The following KLHL7 variants were observed in gnomAD, a reference collection of about 807,000 sequenced individuals.
KLHL7 encodes the protein kelch like family member 7.
Under a neutral mutation model 67.4 loss-of-function variants are expected in KLHL7, and 44 were observed. That is an observed-to-expected ratio of 0.65 (90% CI 0.51 to 0.84). The LOEUF (loss-of-function observed/expected upper bound fraction) is 0.84. KLHL7 is among the 40% of genes least tolerant of loss of function. KLHL7 has a pLI of 0.00. For missense variants in KLHL7, 362 were observed against 718.1 expected, an observed-to-expected ratio of 0.50 and a Z score of 5.67; for synonymous variants, 252 against 243.3, an observed-to-expected ratio of 1.04 and a Z score of -0.33.
Position 23,174,396 on chromosome 7 carries a change from G to A in KLHL7, c.*98G>A, listed in dbSNP as rs183472096. 2.8e-4 allele frequency: 353 copies of A among 1,281,440 alleles called. 5 individuals are homozygous for A. In the African/African-American group the frequency reaches 4.7e-3, roughly 17 times the overall value. The allele number at this position is 1,281,440 out of a possible 1,614,324, so 79.4% of individuals were successfully genotyped here. A position where few individuals can be genotyped will look rare whatever the true frequency, so the allele number is the denominator to read the frequency against. ...GACAAAGTTTTGGTTTGGTGTTTTGGTAAAGAAAGTTTCAAGTGAAATGAG... is the reference window on the plus strand; with the variant it reads ...GACAAAGTTTTGGTTTGGTGTTTTGATAAAGAAAGTTTCAAGTGAAATGAG... On this transcript the variant is annotated 3_prime_UTR_variant, in exon 11 of 11. Coordinates refer to ENST00000339077, the MANE Select transcript of KLHL7 (RefSeq NM_001031710.3).
intron 7 of KLHL7, among the ~76,000 whole-genome samples, chr7:23,155,094 C>G (rs568781109): frequency 6.6e-6 from 1 of 152,282 alleles, no homozygotes; most frequent in South Asian, 2.1e-4. Flanking sequence ...CCGCTCTTGG[C>G]TCAGACATCA....
At chr7:23,141,912 C>T (rs951623119) in intron 5 of KLHL7, among the ~76,000 whole-genome samples, 3 of 149,632 alleles carry the variant, frequency 2.0e-5, no homozygotes, top group African/African-American at 7.4e-5. Context: ...CGTGAGCCAC[C>T]GCACCCGGCC....
At chr7:23,120,094 T>C (rs756745333) in intron 1 of KLHL7, among the ~76,000 whole-genome samples, 3 of 151,834 alleles carry the variant, frequency 2.0e-5, no homozygotes. Context: ...ACTGCAACCT[T>C]TTGCCCCCGG....
At chr7:23,160,351 A>G (rs1784823912) in intron 7 of KLHL7, among the ~76,000 whole-genome samples, 1 of 152,240 alleles carries the variant, frequency 6.6e-6, no homozygotes, top group Non-Finnish European at 1.5e-5. Context: ...ATGCTTACTC[A>G]ACTTCAGACT....
At chr7:23,146,828 A>G (rs969307169) in intron 6 of KLHL7, among the ~76,000 whole-genome samples, 1 of 152,076 alleles carries the variant, frequency 6.6e-6, no homozygotes, top group East Asian at 1.9e-4. Flanking sequence ...CCATATATCT[A>G]TATGTACACA....
chr7:23,163,155 A>G (rs1007625298), intron 7 of KLHL7, among the ~76,000 whole-genome samples: 1 of 151,886 alleles, frequency 6.6e-6, no homozygotes, highest in African/African-American at 2.4e-5. Flanking sequence ...ATCACTCCCA[A>G]GAAGCTTTTA....
intron 1 of KLHL7, among the ~76,000 whole-genome samples, chr7:23,110,873 T>G (rs1782841660): frequency 1.3e-5 from 2 of 149,714 alleles, no homozygotes; most frequent in East Asian, 4.0e-4. Flanking sequence ...GTTCACTACA[T>G]TTTCTTACTT....
chr7:23,117,936 C>A, intron 1 of KLHL7: 2 of 1,614,082 alleles, frequency 1.2e-6, no homozygotes, highest in Non-Finnish European at 1.7e-6. Flanking sequence ...GATTGCAGAA[C>A]CTTCTTGACA....
At chr7:23,158,645 G>T (rs1326199558) in intron 7 of KLHL7, among the ~76,000 whole-genome samples, 1 of 152,146 alleles carries the variant, frequency 6.6e-6, no homozygotes, top group African/African-American at 2.4e-5. Flanking sequence ...ATATATTCAT[G>T]GTTCATATAG....
At chr7:23,164,731 A>T (rs1784949317) in intron 7 of KLHL7, among the ~76,000 whole-genome samples, 1 of 152,182 alleles carries the variant, frequency 6.6e-6, no homozygotes, top group South Asian at 2.1e-4. Context: ...ACCATTCCTG[A>T]TGTTCTGTGA....
At position 23,170,886 on chromosome 7, in the gene KLHL7, G is replaced by A. The variant is rs74974227; in HGVS notation, c.1380-2062G>A. Among the ~76,000 whole-genome samples the A allele has an allele frequency of 2.1e-3, 315 of 150,972 alleles. 2 individuals are homozygous for A. Among genetic ancestry groups the A allele is most frequent in the African/African-American group, 6.1e-3 (249 of 41,024 alleles). On this transcript the variant is annotated intron_variant, in intron 9 of 10. Coordinates refer to ENST00000339077, the MANE Select transcript of KLHL7 (RefSeq NM_001031710.3). ...GGAAACAATGTGACACAGTTTGAGC[G>A]GTCAGAATTTTAAGAAATGACTTTT...
chr7:23,151,260 G>T (rs563118138), intron 6 of KLHL7, among the ~76,000 whole-genome samples: 1 of 151,560 alleles, frequency 6.6e-6, no homozygotes, highest in East Asian at 1.9e-4. Context: ...TATGAGGTAG[G>T]GGTATAATTT....
chr7:23,128,137 A>AG (rs113384622), intron 4 of KLHL7, among the ~76,000 whole-genome samples: 2,536 of 150,284 alleles, frequency 0.017, 90 homozygotes, highest in African/African-American at 0.058. Context: ...TGTCTCAAGA[A>AG]AAAAAAAAAA....
At chr7:23,115,556 T>G (rs538561252) in intron 1 of KLHL7, among the ~76,000 whole-genome samples, 6 of 152,014 alleles carry the variant, frequency 3.9e-5, no homozygotes, top group Non-Finnish European at 7.4e-5. Context: ...TGTTTGTTTT[T>G]TTTTTGAGAT....
At chr7:23,160,784 G>A (rs532872547) in intron 7 of KLHL7, among the ~76,000 whole-genome samples, 246 of 152,248 alleles carry the variant, frequency 1.6e-3, no homozygotes, top group Middle Eastern at 3.4e-3. Context: ...TAATATTTAT[G>A]TGACTACTGA....
intron 7 of KLHL7, among the ~76,000 whole-genome samples, chr7:23,152,767 T>A (rs1784578626): frequency 6.6e-6 from 1 of 152,148 alleles, no homozygotes; most frequent in Admixed American, 6.5e-5. Context: ...AATAAAAAAA[T>A]TTTTAATAGA....
chr7:23,116,889 C>T (rs1783110818), intron 1 of KLHL7, among the ~76,000 whole-genome samples: 1 of 152,152 alleles, frequency 6.6e-6, no homozygotes, highest in Admixed American at 6.5e-5. Context: ...CACCTGTCTT[C>T]CCAGCAATAT....
At chr7:23,146,114 G>A (rs1485642270) in intron 6 of KLHL7, among the ~76,000 whole-genome samples, 2 of 152,178 alleles carry the variant, frequency 1.3e-5, no homozygotes, top group East Asian at 1.9e-4. Context: ...TTCCAAAGAC[G>A]AATCCTGTCT....
At position 23,125,866 on chromosome 7, in the gene KLHL7, G is replaced by A. The variant is rs1241880021; in HGVS notation, c.442+694G>A. ...TGAACGTCCAGATGTTTGTGCAGTA[G>A]CCCACCCTTATCTGCAGGATACGTT... On this transcript the variant is annotated intron_variant, in intron 4 of 10. Transcript: ENST00000339077. 4 of 1,549,978 alleles carry A rather than the reference G, an allele frequency of 2.6e-6. No homozygotes were observed. The South Asian group carries it at 3.6e-5, about 14-fold the overall frequency.
Sources: gnomAD v4.1 joint callset for allele counts (sites outside exome capture counted in the v4.1 genomes callset) on GRCh38, gnomAD v4.1.1 for gene constraint, MANE v1.5 for transcripts, NCBI Gene and HGNC (gene_info 2026-07-23, HGNC 2026-07-21) for gene names.